RCC1: variants seen among roughly 807,000 people sequenced by gnomAD.
RCC1 encodes the protein regulator of chromosome condensation.
Under a neutral mutation model 44.4 loss-of-function variants are expected in RCC1, and 11 were observed. The ratio of observed to expected loss-of-function variants is 0.25; its 90% CI spans 0.16 to 0.41. RCC1 has a LOEUF of 0.41. Ranked by LOEUF, RCC1 falls within the 10% of genes least tolerant of loss-of-function variation. RCC1 has a pLI of 1.00. For synonymous variants in RCC1, 213 were observed against 216.5 expected (o/e 0.98, Z 0.14); for missense variants, 386 against 547.1 (o/e 0.71, Z 2.94).
intron 3 of RCC1, among the ~76,000 whole-genome samples, chr1:28,513,494 C>T (rs952148579): frequency 2.0e-5 from 3 of 151,740 alleles, no homozygotes; most frequent in Non-Finnish European, 2.9e-5. Context: ...CGTGCCTGGC[C>T]TTATTTTAAA....
intron 4 of RCC1, among the ~76,000 whole-genome samples, chr1:28,525,596 A>G (rs1203011722): frequency 6.6e-6 from 1 of 152,170 alleles, no homozygotes; most frequent in African/African-American, 2.4e-5. Context: ...GGGTCTCAAA[A>G]GACAGGTGGG....
intron 4 of RCC1, among the ~76,000 whole-genome samples, chr1:28,519,134 G>A (rs935253873): frequency 6.6e-6 from 1 of 152,178 alleles, no homozygotes; most frequent in Admixed American, 6.5e-5. Context: ...GGTTTTGAAG[G>A]AACAGAGTTT....
At chr1:28,523,482 C>T (rs995999629) in intron 4 of RCC1, among the ~76,000 whole-genome samples, 4 of 152,210 alleles carry the variant, frequency 2.6e-5, no homozygotes, top group African/African-American at 4.8e-5. Flanking sequence ...TGTAGTGAAA[C>T]GCTCCAGAAT....
rs371878375 is a variant in RCC1, at chr1:28,535,890, G to A, written c.681G>A (p.Lys227=). ...RQGLERLLVP[K]CVMLKSRGSR... is the part of the protein sequence containing the mutation. ...CTGCAGAACGACTCCTGGTCCCCAA[G>A]TGTGTGATGCTGAAATCCAGGGGAA... The change falls in exon 10 of 13, where the codon AAG becomes AAA. Residue 227 remains lysine (K), a synonymous_variant. Transcript: ENST00000683442. 1 of 1,613,826 alleles carries A rather than the reference G, an allele frequency of 6.2e-7. No homozygotes were observed. Among genetic ancestry groups the A allele is most frequent in the East Asian group, 2.2e-5 (1 of 44,886 alleles).
intron 3 of RCC1, among the ~76,000 whole-genome samples, chr1:28,514,940 C>T (rs1030283790): frequency 6.6e-6 from 1 of 152,070 alleles, no homozygotes; most frequent in Non-Finnish European, 1.5e-5. Flanking sequence ...ATGTGTCTTA[C>T]TTTTATATAT....
At chr1:28,537,005 A>G in intron 12 of RCC1, 106 bp downstream of exon 12, 2 of 1,272,768 alleles carry the variant, frequency 1.6e-6, no homozygotes, top group South Asian at 1.3e-5. Flanking sequence ...GCCGAGGTAC[A>G]GAGAGCAGTG....
At chr1:28,506,396 G>T (rs1661932129) in intron 1 of RCC1, 1 of 356,352 alleles carries the variant, frequency 2.8e-6, no homozygotes. Context: ...TGTTGGTCAG[G>T]CTGGTTTTGA....
chr1:28,533,644 C>T (rs1326132999), intron 7 of RCC1, among the ~76,000 whole-genome samples: 1 of 146,708 alleles, frequency 6.8e-6, no homozygotes, highest in Non-Finnish European at 1.5e-5. Context: ...GTGGTGCATG[C>T]CTGTAATCCC....
At chr1:28,524,954 A>G (rs1403506369) in intron 4 of RCC1, among the ~76,000 whole-genome samples, 1 of 151,978 alleles carries the variant, frequency 6.6e-6, no homozygotes, top group Non-Finnish European at 1.5e-5. Flanking sequence ...CGCAGACAAA[A>G]CCCCCCAGAC....
chr1:28,537,693 T>C, intron 12 of RCC1, 139 bp from the exon 13 acceptor site: 1 of 807,754 alleles, frequency 1.2e-6, no homozygotes, highest in Non-Finnish European at 1.9e-6. Flanking sequence ...CCAACTTCCC[T>C]GAACTCCCAG....
At chr1:28,523,027 CTTTTTTTTTTTTTT>C (rs775851239) in intron 4 of RCC1, among the ~76,000 whole-genome samples, 2 of 91,040 alleles carry the variant, frequency 2.2e-5, no homozygotes, top group African/African-American at 8.7e-5. Context: ...GAAGAAATTT[CTTTTTTTTTTTTTT>C]TTTTTTTTGA....
chr1:28,521,521 A>G (rs1318101047), intron 4 of RCC1, among the ~76,000 whole-genome samples: 1 of 149,552 alleles, frequency 6.7e-6, no homozygotes, highest in East Asian at 1.9e-4. Context: ...AAAAAAAAAA[A>G]AAGAAGGTGG....
Position 28,535,079 on chromosome 1 carries a change from G to A in RCC1, c.471G>A (p.Glu157=). Reference sequence around the variant, plus strand: ...ATAACGGTGTGATTGGACTGTTGGAGCCCATGAAGAAGAGCATGGTGCCTG... The same window carrying A: ...ATAACGGTGTGATTGGACTGTTGGAACCCATGAAGAAGAGCATGGTGCCTG... ...RDNNGVIGLL[E]PMKKSMVPVQ... The change falls in exon 8 of 13, where the codon GAG becomes GAA. Residue 157 remains glutamate, a synonymous_variant. Transcript: ENST00000683442. 1 of 1,614,096 alleles carries A rather than the reference G, an allele frequency of 6.2e-7. No individual in the cohort carries two copies.
chr1:28,513,655 T>G (rs1445804857), intron 3 of RCC1, among the ~76,000 whole-genome samples: 1 of 152,130 alleles, frequency 6.6e-6, no homozygotes, highest in Non-Finnish European at 1.5e-5. Context: ...TATGACTCAC[T>G]GCAGCCTTAA....
intron 4 of RCC1, among the ~76,000 whole-genome samples, chr1:28,520,469 G>A (rs1327174060): frequency 6.6e-6 from 1 of 152,184 alleles, no homozygotes; most frequent in Non-Finnish European, 1.5e-5. Context: ...CAGCTCTGGT[G>A]GAGCATGGTC....
intron 4 of RCC1, chr1:28,527,225 C>T (rs1050264317): frequency 3.4e-5 from 27 of 805,684 alleles, no homozygotes; most frequent in East Asian, 2.4e-4. Flanking sequence ...ACAGCAGCCG[C>T]GATCTTCAGT....
At chr1:28,510,372 T>G (rs372215272) in intron 3 of RCC1, 1 of 152,334 alleles carries the variant, frequency 6.6e-6, no homozygotes, top group East Asian at 1.9e-4. Flanking sequence ...GCTTGGTGGC[T>G]CACACCCGTA....
At chr1:28,512,432 ACTTATT>A (rs1051689293) in intron 3 of RCC1, among the ~76,000 whole-genome samples, 2 of 149,462 alleles carry the variant, frequency 1.3e-5, no homozygotes, top group African/African-American at 2.6e-5. Flanking sequence ...TAAACTCAGT[ACTTATT>A]CTTGTACTGT....
chr1:28,530,669 T>A, intron 5 of RCC1: 1 of 1,438,410 alleles, frequency 7.0e-7, no homozygotes, highest in Non-Finnish European at 9.4e-7. Context: ...TCCTCAGCGG[T>A]GGCCACATCC....
Sources: allele counts gnomAD v4.1 joint callset (sites outside exome capture counted in the v4.1 genomes callset), GRCh38; gene constraint gnomAD v4.1.1; transcripts MANE v1.5; gene names NCBI Gene and HGNC (gene_info 2026-07-23, HGNC 2026-07-21).